The following MCUB variants were observed in gnomAD, a reference collection of about 807,000 sequenced individuals.
MCUB encodes the protein calcium uniporter regulatory subunit MCUb, mitochondrial.
A neutral mutation model predicts 41.4 loss-of-function variants in MCUB; 46 were observed. That is an observed-to-expected ratio of 1.11 (90% CI 0.88 to 1.42). The LOEUF (loss-of-function observed/expected upper bound fraction) is 1.42. MCUB is among the 40% of genes most tolerant of loss of function. The pLI is 0.00. For missense variants in MCUB, 403 were observed against 404.9 expected (o/e 1.00, Z 0.04); for synonymous variants, 148 against 148.2 (o/e 1.00, Z 0.01).
At chr4:109,570,319 A>C (rs769630466) in intron 1 of MCUB, among the ~76,000 whole-genome samples, 36 of 152,244 alleles carry the variant, frequency 2.4e-4, no homozygotes, top group Non-Finnish European at 4.1e-4. Flanking sequence ...TTGGGAATGT[A>C]TATCTTTGTA....
At chr4:109,655,159 T>A (rs1729062405) in intron 1 of MCUB, among the ~76,000 whole-genome samples, 1 of 152,226 alleles carries the variant, frequency 6.6e-6, no homozygotes, top group South Asian at 2.1e-4. Context: ...TTCTAAAGGA[T>A]ACAGCTAAAC....
chr4:109,669,540 G>T (rs1311940906), intron 4 of MCUB, among the ~76,000 whole-genome samples: 4 of 151,966 alleles, frequency 2.6e-5, no homozygotes, highest in African/African-American at 9.7e-5. Flanking sequence ...TGAGCTTCCT[G>T]GATCTGTGGT....
At chr4:109,613,688 C>T (rs1728067570) in intron 1 of MCUB, among the ~76,000 whole-genome samples, 2 of 152,150 alleles carry the variant, frequency 1.3e-5, no homozygotes, top group South Asian at 2.1e-4. Flanking sequence ...TCACTGGGTC[C>T]TGCCCACATT....
chr4:109,668,452 A>G (rs1408841113), intron 4 of MCUB, among the ~76,000 whole-genome samples: 2 of 151,860 alleles, frequency 1.3e-5, no homozygotes, highest in African/African-American at 4.8e-5. Flanking sequence ...TAATATAGCT[A>G]TTTCAGCTTT....
At chr4:109,629,195 G>T (rs1476321497) in intron 1 of MCUB, among the ~76,000 whole-genome samples, 4 of 152,050 alleles carry the variant, frequency 2.6e-5, no homozygotes, top group African/African-American at 7.2e-5. Context: ...GGAGTGCAGT[G>T]CTGCAATCTT....
chr4:109,621,218 T>G (rs1728245216), intron 1 of MCUB, among the ~76,000 whole-genome samples: 1 of 152,148 alleles, frequency 6.6e-6, no homozygotes, highest in African/African-American at 2.4e-5. Context: ...TTCTAACTTT[T>G]AAGCCACAGT....
At chr4:109,652,166 G>A (rs1157043864) in intron 1 of MCUB, among the ~76,000 whole-genome samples, 1 of 152,128 alleles carries the variant, frequency 6.6e-6, no homozygotes, top group Non-Finnish European at 1.5e-5. Flanking sequence ...TGTCGGATTA[G>A]GGCCTATACT....
intron 4 of MCUB, among the ~76,000 whole-genome samples, chr4:109,671,520 T>C (rs1443558177): frequency 6.6e-6 from 1 of 152,226 alleles, no homozygotes; most frequent in African/African-American, 2.4e-5. Flanking sequence ...GATGAGCCCA[T>C]CAAAGGCATT....
At chr4:109,616,058 T>C (rs1459379735) in intron 1 of MCUB, among the ~76,000 whole-genome samples, 1 of 152,226 alleles carries the variant, frequency 6.6e-6, no homozygotes, top group East Asian at 1.9e-4. Context: ...GGCCAAAAAT[T>C]TAAGTTCCAA....
At chr4:109,649,109 G>A (rs1451590564) in intron 1 of MCUB, among the ~76,000 whole-genome samples, 1 of 152,122 alleles carries the variant, frequency 6.6e-6, no homozygotes, top group Non-Finnish European at 1.5e-5. Flanking sequence ...AAGCCTATGA[G>A]TAGTTAAACC....
intron 1 of MCUB, among the ~76,000 whole-genome samples, chr4:109,634,884 A>G (rs776456814): frequency 6.6e-6 from 1 of 152,266 alleles, no homozygotes; most frequent in Non-Finnish European, 1.5e-5. Flanking sequence ...TACACGTGCC[A>G]TGGTGGTTTG....
At chr4:109,627,959 G>T (rs1307932038) in intron 1 of MCUB, among the ~76,000 whole-genome samples, 3 of 151,504 alleles carry the variant, frequency 2.0e-5, no homozygotes, top group Admixed American at 1.3e-4. Flanking sequence ...TGAAGTTTTA[G>T]TAGGGAGAAG....
chr4:109,644,473 G>A (rs1270937774), intron 1 of MCUB, among the ~76,000 whole-genome samples: 1 of 152,148 alleles, frequency 6.6e-6, no homozygotes, highest in Non-Finnish European at 1.5e-5. Context: ...CATAAACAAA[G>A]TAATTTAAAT....
chr4:109,598,693 G>C (rs1300183711), intron 1 of MCUB, among the ~76,000 whole-genome samples: 1 of 152,250 alleles, frequency 6.6e-6, no homozygotes, highest in Non-Finnish European at 1.5e-5. Context: ...CTGGGCCCTT[G>C]ATTTTTCTTA....
chr4:109,612,354 C>A (rs1728029880), intron 1 of MCUB, among the ~76,000 whole-genome samples: 1 of 150,850 alleles, frequency 6.6e-6, no homozygotes, highest in African/African-American at 2.4e-5. Context: ...GCAACCACCA[C>A]CTCCCAGGTT....
At chr4:109,681,924 A>G (rs1729725416) in intron 4 of MCUB, among the ~76,000 whole-genome samples, 1 of 152,216 alleles carries the variant, frequency 6.6e-6, no homozygotes, top group African/African-American at 2.4e-5. Flanking sequence ...TCCCATACGA[A>G]GGGAGGGGAC....
chr4:109,575,370 T>C (rs1727003038), intron 1 of MCUB, among the ~76,000 whole-genome samples: 1 of 152,190 alleles, frequency 6.6e-6, no homozygotes, highest in Admixed American at 6.5e-5. Context: ...AAAAGGTCAT[T>C]GGGGGTTAGA....
At chr4:109,614,474 G>A (rs768413811) in intron 1 of MCUB, among the ~76,000 whole-genome samples, 5 of 151,770 alleles carry the variant, frequency 3.3e-5, no homozygotes, top group Admixed American at 1.3e-4. Context: ...TCTGCACTCC[G>A]CTATGTGAGG....
At chr4:109,594,007 C>T (rs1421141697) in intron 1 of MCUB, among the ~76,000 whole-genome samples, 1 of 152,176 alleles carries the variant, frequency 6.6e-6, no homozygotes, top group Admixed American at 6.5e-5. Flanking sequence ...GTCACCTTGA[C>T]TTGTTCCTTG....
Sources: gnomAD v4.1 joint callset for allele counts (sites outside exome capture counted in the v4.1 genomes callset) on GRCh38, gnomAD v4.1.1 for gene constraint, MANE v1.5 for transcripts, NCBI Gene and HGNC (gene_info 2026-07-23, HGNC 2026-07-21) for gene names.